The following PRR16 variants were observed in gnomAD, a reference collection of about 807,000 sequenced individuals.
PRR16 encodes proline rich 16.
A neutral mutation model predicts 18.2 loss-of-function variants in PRR16; 6 were observed. The observed-to-expected ratio is 0.33, with a 90% CI of 0.18 to 0.65. The LOEUF (loss-of-function observed/expected upper bound fraction) is 0.65. Ranked by LOEUF, PRR16 falls within the 30% of genes least tolerant of loss-of-function variation. The pLI is 0.74. For missense variants in PRR16, 412 were observed against 376.6 expected (o/e 1.09, Z -0.78); for synonymous variants, 151 against 147.8 (o/e 1.02, Z -0.16).
intron 1 of PRR16, among the ~76,000 whole-genome samples, chr5:120,516,627 C>T (rs763173231): frequency 4.6e-5 from 7 of 151,972 alleles, no homozygotes; most frequent in African/African-American, 9.6e-5. Flanking sequence ...CGTGCATGGA[C>T]GCTTTTATAT....
chr5:120,636,385 G>A (rs1755228643), intron 1 of PRR16, among the ~76,000 whole-genome samples: 1 of 152,210 alleles, frequency 6.6e-6, no homozygotes, highest in South Asian at 2.1e-4. Flanking sequence ...TATACTATGA[G>A]GCCATAGTCA....
Position 120,628,966 on chromosome 5 carries a change from G to C in PRR16, c.160-56988G>C, listed in dbSNP as rs191250099. On this transcript the variant is annotated intron_variant, in intron 1 of 1. Transcript: ENST00000407149. ...GTGTGTCACAGGGGTTTGGGGTATA[G>C]ATTATTTTATAAGCCAGATAATAAG... is the stretch of plus-strand genomic sequence containing the variant. Among the ~76,000 whole-genome samples the C allele has an allele frequency of 3.9e-3, 596 of 152,070 alleles. 2 individuals are homozygous for C. Among genetic ancestry groups the C allele is most frequent in the Non-Finnish European group, 7.1e-3 (481 of 67,926 alleles).
At chr5:120,484,161 C>T (rs1325924947) in intron 1 of PRR16, among the ~76,000 whole-genome samples, 1 of 151,626 alleles carries the variant, frequency 6.6e-6, no homozygotes, top group Non-Finnish European at 1.5e-5. Flanking sequence ...TTCTTAACTA[C>T]TCAAGTTATC....
chr5:120,779,871 A>C, the PRR16 span, among the ~76,000 whole-genome samples: 1 of 152,136 alleles, frequency 6.6e-6, no homozygotes, highest in South Asian at 2.1e-4. Flanking sequence ...ACGTGTGCCA[A>C]GTAGCCTTGG....
At chr5:120,750,150 A>C in the PRR16 span, among the ~76,000 whole-genome samples, 1 of 152,174 alleles carries the variant, frequency 6.6e-6, no homozygotes, top group Non-Finnish European at 1.5e-5. Flanking sequence ...GGGAGTTTAC[A>C]ACAAATAAGC....
the PRR16 span, among the ~76,000 whole-genome samples, chr5:120,735,974 A>G: frequency 6.6e-6 from 1 of 152,162 alleles, no homozygotes; most frequent in African/African-American, 2.4e-5. Context: ...TTTTAAATCA[A>G]TTGTGAATTA....
In PRR16 at chr5:120,686,803, A is replaced by C; in HGVS notation, c.*94A>C. On this transcript the variant is annotated 3_prime_UTR_variant, in exon 2 of 2. Transcript: ENST00000407149. ...TTCTACTCAAGCAATAAAAAGCCCA[A>C]ATATATTAATCCTGCATTCAGCAAA... The C allele has an allele frequency of 9.4e-7, 1 of 1,067,858 alleles. No homozygotes were observed. 66.1% of individuals were successfully genotyped at this position (1,067,858 alleles called of 1,614,324 possible).
chr5:120,624,424 G>A (rs1402512278), intron 1 of PRR16, among the ~76,000 whole-genome samples: 1 of 152,044 alleles, frequency 6.6e-6, no homozygotes, highest in Non-Finnish European at 1.5e-5. Context: ...GCCTCCATTT[G>A]CCTTTTCCAG....
chr5:120,782,089 CTT>C, the PRR16 span, among the ~76,000 whole-genome samples: 1 of 152,120 alleles, frequency 6.6e-6, no homozygotes, highest in Non-Finnish European at 1.5e-5. Context: ...TGTAGTGACT[CTT>C]GAATGAAAAA....
At chr5:120,767,162 G>C in the PRR16 span, among the ~76,000 whole-genome samples, 3 of 151,840 alleles carry the variant, frequency 2.0e-5, no homozygotes, top group Admixed American at 6.6e-5. Context: ...TAATTTTAAA[G>C]GGTTAAAAGT....
intron 1 of PRR16, among the ~76,000 whole-genome samples, chr5:120,607,689 G>T (rs116331251): frequency 6.0e-4 from 91 of 152,076 alleles, no homozygotes; most frequent in African/African-American, 2.0e-3. Flanking sequence ...TACTAAGAAA[G>T]ATTTTTACTA....
chr5:120,733,523 A>G, the PRR16 span, among the ~76,000 whole-genome samples: 2 of 152,116 alleles, frequency 1.3e-5, no homozygotes, highest in Admixed American at 6.6e-5. Flanking sequence ...TAAGTCCCCA[A>G]ATCCCTATTT....
intron 1 of PRR16, among the ~76,000 whole-genome samples, chr5:120,537,458 C>T (rs1423452749): frequency 6.6e-6 from 1 of 152,102 alleles, no homozygotes; most frequent in East Asian, 1.9e-4. Flanking sequence ...CCAGGCAAAA[C>T]TCAGTGAATC....
chr5:120,705,625 TTAGC>T, the PRR16 span, among the ~76,000 whole-genome samples: 1 of 152,144 alleles, frequency 6.6e-6, no homozygotes, highest in Non-Finnish European at 1.5e-5. Flanking sequence ...TTTGTGTTCT[TTAGC>T]TAAGACAATA....
In PRR16 at chr5:120,464,341, G is replaced by C; in HGVS notation, c.-146G>C. On this transcript the variant is annotated 5_prime_UTR_variant, in exon 1 of 2. Coordinates refer to ENST00000407149, the MANE Select transcript of PRR16 (RefSeq NM_001300783.2). ...ACTGTGCGGCCGCCCGGCCGAGCGC[G>C]GAGCGCAGCCACTCGCCGCTGCCCA... 1.2e-6 allele frequency: 1 copy of C among 847,778 alleles called. No homozygotes were observed. Among genetic ancestry groups the C allele is most frequent in the South Asian group, 2.7e-5 (1 of 37,134 alleles). 52.5% of individuals were successfully genotyped at this position (847,778 alleles called of 1,614,324 possible).
chr5:120,664,910 T>G (rs1756314930), intron 1 of PRR16, among the ~76,000 whole-genome samples: 1 of 151,950 alleles, frequency 6.6e-6, no homozygotes, highest in Non-Finnish European at 1.5e-5. Flanking sequence ...AGTGCCGCAA[T>G]AAACATATGT....
chr5:120,734,133 G>A, the PRR16 span, among the ~76,000 whole-genome samples: 1 of 152,128 alleles, frequency 6.6e-6, no homozygotes, highest in East Asian at 1.9e-4. Context: ...CATTGCACAT[G>A]TGTTCATTCC....
At chr5:120,643,541 G>A (rs781545612) in intron 1 of PRR16, among the ~76,000 whole-genome samples, 4 of 152,106 alleles carry the variant, frequency 2.6e-5, no homozygotes, top group Non-Finnish European at 4.4e-5. Flanking sequence ...AAATTCTAAA[G>A]TATAGAGTTT....
chr5:120,689,707 T>C (rs1757187676), downstream of PRR16, among the ~76,000 whole-genome samples: 2 of 151,956 alleles, frequency 1.3e-5, no homozygotes, highest in African/African-American at 4.8e-5. Flanking sequence ...ATAGGACATA[T>C]TTCAAAAGGC....
Sources: gnomAD v4.1 joint callset for allele counts (sites outside exome capture counted in the v4.1 genomes callset) on GRCh38, gnomAD v4.1.1 for gene constraint, MANE v1.5 for transcripts, NCBI Gene and HGNC (gene_info 2026-07-23, HGNC 2026-07-21) for gene names.